DLG2: variants seen among roughly 807,000 people sequenced by gnomAD.
DLG2 encodes discs large MAGUK scaffold protein 2, also known as disks large homolog 2.
A neutral mutation model predicts 132.5 loss-of-function variants in DLG2; 45 were observed. The observed-to-expected ratio is 0.34, with a 90% confidence interval of 0.27 to 0.44. DLG2 has a LOEUF of 0.44. Ranked by LOEUF, DLG2 falls within the 20% of genes least tolerant of loss-of-function variation. DLG2 has a pLI of 1.00. For synonymous variants in DLG2, 424 were observed against 419.6 expected, an observed-to-expected ratio of 1.01 and a Z score of -0.13; for missense variants, 1,045 against 1,196.9, an observed-to-expected ratio of 0.87 and a Z score of 1.87.
At chr11:84,838,204 T>A (rs1384702180) in intron 6 of DLG2, among the ~76,000 whole-genome samples, 1 of 151,878 alleles carries the variant, frequency 6.6e-6, no homozygotes, top group African/African-American at 2.4e-5. Flanking sequence ...CAAATTACCA[T>A]GACATGAACC....
chr11:84,766,480 G>A (rs912221801), intron 6 of DLG2, among the ~76,000 whole-genome samples: 6 of 152,050 alleles, frequency 3.9e-5, no homozygotes, highest in Non-Finnish European at 5.9e-5. Flanking sequence ...TAGAATGGAT[G>A]CTGCTTAGAA....
At chr11:85,273,918 T>C (rs2077712066) in intron 4 of DLG2, among the ~76,000 whole-genome samples, 1 of 152,160 alleles carries the variant, frequency 6.6e-6, no homozygotes, top group South Asian at 2.1e-4. Context: ...TGGAATACTA[T>C]GAAGCCATAA....
At chr11:83,847,906 T>C (rs1004412117) in intron 16 of DLG2, among the ~76,000 whole-genome samples, 1 of 152,220 alleles carries the variant, frequency 6.6e-6, no homozygotes, top group Non-Finnish European at 1.5e-5. Context: ...TTTCCGTAAT[T>C]GAAATTTTGG....
intron 6 of DLG2, among the ~76,000 whole-genome samples, chr11:84,654,995 CA>C (rs2099686482): frequency 1.3e-5 from 2 of 152,148 alleles, no homozygotes; most frequent in African/African-American, 2.4e-5. Context: ...CTCCTTGAGA[CA>C]AAAACGTATC....
intron 3 of DLG2, among the ~76,000 whole-genome samples, chr11:85,595,581 T>C (rs1374973678): frequency 6.6e-6 from 1 of 152,130 alleles, no homozygotes; most frequent in Non-Finnish European, 1.5e-5. Context: ...GAACACCAAT[T>C]GCTGTCTTTC....
rs1567803075 is a variant in DLG2, at chr11:84,502,203, CT to C, written c.519+32366del. On this transcript the variant is annotated intron_variant, in intron 7 of 27. Coordinates refer to ENST00000376104, the MANE Select transcript of DLG2 (RefSeq NM_001142699.3). Reference sequence around the variant, plus strand: ...CTCTCTCTTTCTCTCTCTCTCTCTCCTTCCTTCCTTCCTTCCTTCCTTCCTT... The same window carrying C: ...CTCTCTCTTTCTCTCTCTCTCTCTCCTCCTTCCTTCCTTCCTTCCTTCCTT... Among the ~76,000 whole-genome samples, 7 of 6,762 alleles carry C rather than the reference CT, an allele frequency of 1.0e-3. 2 individuals are homozygous for C. Among genetic ancestry groups the C allele is most frequent in the African/African-American group, 3.4e-3 (2 of 584 alleles). The allele number at this position is 6,762 out of a possible 152,430, so 4.4% of individuals were successfully genotyped here. A position where few individuals can be genotyped will look rare whatever the true frequency, so the allele number is the denominator to read the frequency against.
intron 8 of DLG2, among the ~76,000 whole-genome samples, chr11:84,225,783 T>G (rs2096982854): frequency 6.6e-6 from 1 of 151,954 alleles, no homozygotes; most frequent in Non-Finnish European, 1.5e-5. Context: ...ATATATAACA[T>G]GAAACATTTT....
Position 84,998,478 on chromosome 11 carries a change from C to T in DLG2, c.357+113183G>A, listed in dbSNP as rs73521240. ...TTAAACTTCTCTCCTTTATAAATTA[C>T]CATCTTGGGTATTTCTTCATAGCAG... On this transcript the variant is annotated intron_variant, in intron 6 of 27. Transcript: ENST00000376104. 2.6e-3 allele frequency among the ~76,000 whole-genome samples: 403 copies of T among 152,174 alleles called. 2 individuals are homozygous for T. The highest frequency in any genetic ancestry group is 9.4e-3 in the African/African-American group (390 of 41,524).
chr11:85,308,575 T>C (rs2080115002), intron 3 of DLG2, among the ~76,000 whole-genome samples: 2 of 152,200 alleles, frequency 1.3e-5, no homozygotes, highest in South Asian at 4.1e-4. Flanking sequence ...TACCGAATCC[T>C]GGTCAAACTT....
At chr11:85,439,946 G>A (rs1268651235) in intron 3 of DLG2, among the ~76,000 whole-genome samples, 1 of 152,070 alleles carries the variant, frequency 6.6e-6, no homozygotes, top group African/African-American at 2.4e-5. Context: ...GCTAGATAGA[G>A]GTATTTTATT....
chr11:84,280,333 C>T (rs1190502736), intron 7 of DLG2, among the ~76,000 whole-genome samples: 3 of 151,216 alleles, frequency 2.0e-5, no homozygotes, highest in Admixed American at 6.6e-5. Context: ...CGGAGTCACG[C>T]TCTATCACCC....
chr11:83,473,000 A>T (rs2092254474), intron 22 of DLG2, among the ~76,000 whole-genome samples: 1 of 152,046 alleles, frequency 6.6e-6, no homozygotes. Context: ...GTTGCTAGCT[A>T]TTTGCTGCAG....
At chr11:85,538,096 A>T (rs1161558268) in intron 3 of DLG2, among the ~76,000 whole-genome samples, 1 of 151,926 alleles carries the variant, frequency 6.6e-6, no homozygotes, top group Non-Finnish European at 1.5e-5. Context: ...AGCCTGGGTG[A>T]CAGAGCGAGA....
chr11:85,615,030 T>C (rs2081249390), intron 2 of DLG2, among the ~76,000 whole-genome samples: 1 of 152,256 alleles, frequency 6.6e-6, no homozygotes, highest in East Asian at 1.9e-4. Context: ...AAGAATTGTT[T>C]GAATATACTT....
At chr11:83,956,943 T>C (rs920895233) in intron 14 of DLG2, among the ~76,000 whole-genome samples, 2 of 152,230 alleles carry the variant, frequency 1.3e-5, no homozygotes, top group African/African-American at 2.4e-5. Context: ...TTGGGGTTTG[T>C]GGTATTTGCC....
At chr11:85,415,113 T>C (rs1467963845) in intron 3 of DLG2, among the ~76,000 whole-genome samples, 1 of 152,166 alleles carries the variant, frequency 6.6e-6, no homozygotes, top group African/African-American at 2.4e-5. Flanking sequence ...ATGCAGTGTT[T>C]GGTTTTCTCT....
chr11:83,954,256 A>G (rs1467924963), intron 14 of DLG2, among the ~76,000 whole-genome samples: 1 of 152,190 alleles, frequency 6.6e-6, no homozygotes, highest in Non-Finnish European at 1.5e-5. Flanking sequence ...GATTTGTTAG[A>G]TTCGCCATTA....
chr11:85,239,018 C>A (rs760471779), intron 4 of DLG2, among the ~76,000 whole-genome samples: 1 of 151,808 alleles, frequency 6.6e-6, no homozygotes, highest in Non-Finnish European at 1.5e-5. Flanking sequence ...CCATATGGTT[C>A]CCATGGTGTT....
At chr11:85,495,452 C>T (rs1001492463) in intron 3 of DLG2, among the ~76,000 whole-genome samples, 1 of 151,966 alleles carries the variant, frequency 6.6e-6, no homozygotes, top group African/African-American at 2.4e-5. Flanking sequence ...AACAAACAAC[C>T]CCATCAAAAA....
Sources: allele counts gnomAD v4.1 joint callset (sites outside exome capture counted in the v4.1 genomes callset), GRCh38; gene constraint gnomAD v4.1.1; transcripts MANE v1.5; gene names NCBI Gene and HGNC (gene_info 2026-07-23, HGNC 2026-07-21).